Variants in GOLGA4 observed in about 807,000 individuals in gnomAD.
GOLGA4 encodes the protein golgin A4.
GOLGA4 carries 169 observed loss-of-function variants against 265.9 expected under a neutral mutation model. The ratio of observed to expected loss-of-function variants is 0.64; its 90% CI spans 0.56 to 0.72. GOLGA4 has a LOEUF of 0.72. Ranked by LOEUF, GOLGA4 falls within the 30% of genes least tolerant of loss-of-function variation. The pLI is 0.00. For missense variants in GOLGA4, 2,482 were observed against 2,483.4 expected (o/e 1.00, Z 0.01); for synonymous variants, 923 against 855.8 (o/e 1.08, Z -1.37).
At chr3:37,332,210 AC>A (rs780911599) in intron 16 of GOLGA4, among the ~76,000 whole-genome samples, 28 of 152,234 alleles carry the variant, frequency 1.8e-4, no homozygotes, top group South Asian at 4.1e-4. Context: ...GCCAAACTCA[AC>A]CATAGCTTGT....
chr3:37,301,382 G>C (rs545371838), intron 9 of GOLGA4, among the ~76,000 whole-genome samples: 1 of 152,338 alleles, frequency 6.6e-6, no homozygotes, highest in Non-Finnish European at 1.5e-5. Context: ...CAGGAAGAAA[G>C]AGAAGAACCA....
rs370693075 is a variant in GOLGA4, at chr3:37,319,051, G to A, written c.1414-12G>A. The A allele has an allele frequency of 1.5e-5, 24 of 1,568,914 alleles. No homozygotes were observed. Among genetic ancestry groups the A allele is most frequent in the Non-Finnish European group, 2.0e-5 (23 of 1,156,388 alleles). On this transcript the variant is annotated splice_polypyrimidine_tract_variant and intron_variant, in intron 11 of 23. Transcript: ENST00000361924. The stretch of plus-strand genomic sequence containing the variant: ...TGGGTGTCCTTATATTATCTATTTG[G>A]CTCATTTTCAGAAATCCTCAGAAGA...
chr3:37,289,205 A>G, intron 4 of GOLGA4, 30 bp from the exon 5 acceptor site: 2 of 1,371,550 alleles, frequency 1.5e-6, no homozygotes, highest in Non-Finnish European at 2.0e-6. Flanking sequence ...TTAGCTGTTT[A>G]ACCAGCTTTT....
rs767681580 is a variant in GOLGA4, at chr3:37,324,996, G to A, written c.3110G>A (p.Arg1037Gln). The A allele has an allele frequency of 5.0e-6, 8 of 1,613,072 alleles. No homozygotes were observed. The highest frequency in any genetic ancestry group is 1.3e-5 in the African/African-American group (1 of 74,868). The change falls in exon 14 of 24, where the codon CGA becomes CAA. Residue 1037 changes from arginine (R) to glutamine (Q), a missense_variant. Transcript: ENST00000361924. ...ATAGAAAGTCTTACTGAGGTTCATCGACGAGAACTCAATGATGTCATATCA... is the reference window on the plus strand; with the variant it reads ...ATAGAAAGTCTTACTGAGGTTCATCAACGAGAACTCAATGATGTCATATCA... Reference protein sequence around the residue: ...EQIESLTEVHRRELNDVISIW... With the variant: ...EQIESLTEVHQRELNDVISIW...
At chr3:37,358,766 T>G (rs2151080657) in intron 22 of GOLGA4, among the ~76,000 whole-genome samples, 1 of 152,256 alleles carries the variant, frequency 6.6e-6, no homozygotes, top group African/African-American at 2.4e-5. Context: ...AAGACCTCAG[T>G]AGGAGGGTCA....
intron 10 of GOLGA4, 99 bp downstream of exon 10, chr3:37,302,431 T>C (rs1003889806): frequency 2.8e-6 from 3 of 1,066,216 alleles, no homozygotes; most frequent in African/African-American, 3.2e-5. Context: ...TGATAAAAAT[T>C]CTTAACTATA....
At chr3:37,302,073 G>A (rs2096894431) in intron 9 of GOLGA4, 112 bp from the exon 10 acceptor site, 1 of 857,732 alleles carries the variant, frequency 1.2e-6, no homozygotes, top group Admixed American at 2.3e-5. Flanking sequence ...ATGGACATGA[G>A]TCACCATGCA....
intron 23 of GOLGA4, among the ~76,000 whole-genome samples, chr3:37,363,991 T>C (rs1227422791): frequency 1.3e-5 from 2 of 152,198 alleles, no homozygotes; most frequent in Admixed American, 1.3e-4. Context: ...GAAGATCTTG[T>C]TGGTGTCTTC....
chr3:37,326,539 C>CAATCAACAAAAG lies in GOLGA4; in HGVS notation c.4654_4665dup (p.Asn1552_Lys1555dup). 1 of 1,607,240 alleles carries CAATCAACAAAAG rather than the reference C, an allele frequency of 6.2e-7. No homozygotes were observed. Among genetic ancestry groups the CAATCAACAAAAG allele is most frequent in the South Asian group, 1.1e-5 (1 of 89,534 alleles). ...CCTTAAATGAAGTTCTTAAAAATTA[C>CAATCAACAAAAG]AATCAACAAAAGGATATTGAACACA... On this transcript the variant is annotated inframe_insertion, in exon 14 of 24. Transcript: ENST00000361924.
chr3:37,301,789 A>G (rs1304208746), intron 9 of GOLGA4, among the ~76,000 whole-genome samples: 1 of 151,876 alleles, frequency 6.6e-6, no homozygotes, highest in Non-Finnish European at 1.5e-5. Flanking sequence ...TTTGTTTTTT[A>G]ATTTTTAATT....
chr3:37,284,515 G>C (rs542578052), intron 3 of GOLGA4, among the ~76,000 whole-genome samples: 1 of 152,204 alleles, frequency 6.6e-6, no homozygotes, highest in African/African-American at 2.4e-5. Context: ...GCCTCCCAGA[G>C]TGCTGAGATT....
intron 2 of GOLGA4, among the ~76,000 whole-genome samples, chr3:37,255,974 G>T (rs2096747565): frequency 6.6e-6 from 1 of 152,124 alleles, no homozygotes; most frequent in Non-Finnish European, 1.5e-5. Flanking sequence ...ATCCAAGCCA[G>T]TCACAGTGGT....
intron 14 of GOLGA4, among the ~76,000 whole-genome samples, chr3:37,328,048 A>G (rs942020761): frequency 2.0e-5 from 3 of 152,226 alleles, no homozygotes; most frequent in East Asian, 1.9e-4. Flanking sequence ...CTTTTCTTGC[A>G]TATAAGATTC....
rs1254621610 is a variant in GOLGA4, at chr3:37,323,955, C to T, written c.2069C>T (p.Ser690Phe). 2 of 1,613,470 alleles carry T rather than the reference C, an allele frequency of 1.2e-6. No individual in the cohort carries two copies. Among genetic ancestry groups the T allele is most frequent in the Non-Finnish European group, 1.7e-6 (2 of 1,179,932 alleles). ...DVKQTELESL[S>F]SELSEVLKAR... ...AAGCAAACAGAACTAGAATCATTAT[C>T]TTCTGAACTGTCAGAAGTATTAAAA... The change falls in exon 14 of 24, where the codon TCT becomes TTT. Residue 690 changes from serine (S) to phenylalanine (F), a missense_variant. Ser to Phe is a radical substitution (Grantham distance 155). Around this residue, in one of 3 missense-constraint regions of GOLGA4, gnomAD observed 1,536 missense variants for 1,483.7 expected, o/e 1.04. Coordinates refer to ENST00000361924, the MANE Select transcript of GOLGA4 (RefSeq NM_002078.5).
intron 16 of GOLGA4, among the ~76,000 whole-genome samples, chr3:37,331,824 C>T (rs2096991352): frequency 7.3e-6 from 1 of 136,752 alleles, no homozygotes. Flanking sequence ...TGTCTCTAAA[C>T]ACCATACACA....
intron 5 of GOLGA4, among the ~76,000 whole-genome samples, chr3:37,292,472 G>A (rs1197293913): frequency 2.0e-5 from 3 of 152,160 alleles, no homozygotes. Flanking sequence ...CAGATCACGA[G>A]GTCAAGAGAT....
Position 37,286,004 on chromosome 3 carries a change from T to C in GOLGA4, c.478-10T>C, listed in dbSNP as rs768467977. Reference sequence around the variant, plus strand: ...AGGAATGACTAATGTTGTTGATGACTATATTTTAGCTTGTTACAGCTTATC... The same window carrying C: ...AGGAATGACTAATGTTGTTGATGACCATATTTTAGCTTGTTACAGCTTATC... On this transcript the variant is annotated splice_polypyrimidine_tract_variant and intron_variant, in intron 3 of 23. Transcript: ENST00000361924. The C allele has an allele frequency of 6.6e-7, 1 of 1,518,456 alleles. No homozygotes were observed. Among genetic ancestry groups the C allele is most frequent in the Non-Finnish European group, 9.1e-7 (1 of 1,104,960 alleles). The allele number at this position is 1,518,456 out of a possible 1,614,324, so 94.1% of individuals were successfully genotyped here.
intron 19 of GOLGA4, among the ~76,000 whole-genome samples, chr3:37,338,671 A>G (rs1325398965): frequency 6.6e-6 from 1 of 152,074 alleles, no homozygotes; most frequent in East Asian, 1.9e-4. Context: ...TGAAACCATC[A>G]CTGTTACCCA....
chr3:37,276,236 A>G, intron 2 of GOLGA4: 1 of 1,555,982 alleles, frequency 6.4e-7, no homozygotes, highest in East Asian at 2.3e-5. Flanking sequence ...AGAAATAAGG[A>G]ATACAGACAT....
Sources: allele counts gnomAD v4.1 joint callset (sites outside exome capture counted in the v4.1 genomes callset), GRCh38; gene constraint gnomAD v4.1.1; regional missense constraint gnomAD v4.1.1; transcripts MANE v1.5; gene names NCBI Gene and HGNC (gene_info 2026-07-23, HGNC 2026-07-21).